Variants in ZC3H7A observed in about 807,000 individuals in gnomAD.
ZC3H7A encodes the protein zinc finger CCCH-type containing 7A, also known as zinc finger CCCH domain-containing protein 7A.
ZC3H7A carries 44 observed loss-of-function variants against 125.5 expected under a neutral mutation model. That is an observed-to-expected ratio of 0.35 (90% CI 0.28 to 0.45). The LOEUF (loss-of-function observed/expected upper bound fraction) is 0.45. Among genes scored for constraint, ZC3H7A ranks in the 20% least tolerant of loss-of-function variants. The probability of loss-of-function intolerance (pLI) is 1.00; values close to 1 mark genes in which losing one functional copy is unlikely to be tolerated. For missense variants in ZC3H7A, 977 were observed against 1,170.7 expected (o/e 0.83, Z 2.41); for synonymous variants, 399 against 391.2 (o/e 1.02, Z -0.23).
rs771913681 is a variant in ZC3H7A, at chr16:11,758,504, T to C, written c.2355A>G (p.Gln785=). ...CNHIASGKKC[Q]YVGNCSFAHS... is the part of the protein sequence containing the mutation. ...GAGCAAAGGAACAGTTTCCAACATA[T>C]TGACATTTTTTCCCAGAAGCAATAT... The change falls in exon 20 of 23, where the codon CAA becomes CAG. Residue 785 remains glutamine (Q), a synonymous_variant. Transcript: ENST00000355758. 26 of 1,613,704 alleles carry C rather than the reference T, an allele frequency of 1.6e-5. No homozygotes were observed. Among genetic ancestry groups the C allele is most frequent in the African/African-American group, 4.0e-5 (3 of 74,914 alleles).
chr16:11,769,903 C>T (rs2052949061), intron 10 of ZC3H7A, among the ~76,000 whole-genome samples: 1 of 148,556 alleles, frequency 6.7e-6, no homozygotes, highest in East Asian at 2.0e-4. Flanking sequence ...AATCCTCCCA[C>T]CTCCACCTCC....
intron 21 of ZC3H7A, among the ~76,000 whole-genome samples, chr16:11,754,321 A>AAAAAT (rs763451215): frequency 4.9e-4 from 69 of 140,472 alleles, no homozygotes; most frequent in East Asian, 1.6e-3. Context: ...AAGAAAAAAA[A>AAAAAT]ATATATATAT....
intron 21 of ZC3H7A, chr16:11,753,856 G>C (rs1376985564): frequency 2.6e-5 from 4 of 152,118 alleles, no homozygotes; most frequent in African/African-American, 9.7e-5. Context: ...CACCAAGTTG[G>C]CCAAGCTGGT....
intron 3 of ZC3H7A, among the ~76,000 whole-genome samples, chr16:11,780,901 C>G (rs539207623): frequency 1.3e-5 from 2 of 152,292 alleles, no homozygotes; most frequent in African/African-American, 2.4e-5. Context: ...TCCAGTCCCC[C>G]TTAGCTGCTG....
At chr16:11,795,813 T>G (rs957117254) in intron 1 of ZC3H7A, among the ~76,000 whole-genome samples, 1 of 152,162 alleles carries the variant, frequency 6.6e-6, no homozygotes, top group Non-Finnish European at 1.5e-5. Context: ...TTAACTTTTG[T>G]TTTTTTATTT....
At chr16:11,777,530 G>A (rs1446099255) in intron 4 of ZC3H7A, among the ~76,000 whole-genome samples, 10 of 152,060 alleles carry the variant, frequency 6.6e-5, no homozygotes, top group Admixed American at 5.9e-4. Flanking sequence ...AGACCAGCCT[G>A]GCCAACATGG....
chr16:11,783,300 A>G (rs918156593), intron 1 of ZC3H7A, among the ~76,000 whole-genome samples: 1 of 152,198 alleles, frequency 6.6e-6, no homozygotes, highest in African/African-American at 2.4e-5. Context: ...TCCTCAATAT[A>G]ACACTTGCAA....
intron 5 of ZC3H7A, 67 bp from the exon 6 acceptor site, chr16:11,776,599 A>C (rs2053084563): frequency 1.3e-6 from 2 of 1,516,444 alleles, no homozygotes; most frequent in African/African-American, 1.4e-5. Flanking sequence ...AATAGACAAA[A>C]CAGGGAAGTT....
intron 15 of ZC3H7A, among the ~76,000 whole-genome samples, chr16:11,764,472 T>C (rs779833487): frequency 1.5e-4 from 23 of 151,778 alleles, no homozygotes; most frequent in Non-Finnish European, 3.2e-4. Flanking sequence ...TCGCTTGAAC[T>C]CGGGAGGCGG....
chr16:11,774,388 C>A lies in ZC3H7A; in HGVS notation c.751G>T (p.Glu251Ter). Reference protein sequence around the residue: ...PLTSILPLQVEESALPSAVLA... With the variant: ...PLTSILPLQV ...ACTGCAGATGGCAGAGCGCTCTCTT[C>A]CACTTGTAGTGGCAAAATAGAAGTT... The change falls in exon 9 of 23, where the codon GAA becomes TAA. Residue 251 changes from glutamate to a stop codon, truncating the protein, a stop_gained. Coordinates refer to ENST00000355758, the MANE Select transcript of ZC3H7A (RefSeq NM_014153.4). LOFTEE classifies it high-confidence loss of function. 6.2e-7 allele frequency: 1 copy of A among 1,613,716 alleles called. No homozygotes were observed. The highest frequency in any genetic ancestry group is 8.5e-7 in the Non-Finnish European group (1 of 1,179,770).
chr16:11,787,399 C>T (rs370563405), intron 1 of ZC3H7A, among the ~76,000 whole-genome samples: 7 of 152,252 alleles, frequency 4.6e-5, no homozygotes, highest in African/African-American at 1.7e-4. Context: ...TTTTCCTCAC[C>T]ATTGATTAGT....
intron 16 of ZC3H7A, 95 bp downstream of exon 16, chr16:11,763,383 A>G: frequency 7.8e-7 from 1 of 1,285,730 alleles, no homozygotes; most frequent in Non-Finnish European, 1.1e-6. Flanking sequence ...TAGTGGGATT[A>G]CAGGCATGAG....
chr16:11,786,752 GT>G (rs2053263100), intron 1 of ZC3H7A, among the ~76,000 whole-genome samples: 1 of 152,086 alleles, frequency 6.6e-6, no homozygotes, highest in Non-Finnish European at 1.5e-5. Flanking sequence ...TATTTTGAAA[GT>G]TCTCAAACAC....
intron 19 of ZC3H7A, among the ~76,000 whole-genome samples, chr16:11,761,110 T>A (rs994720158): frequency 3.9e-5 from 6 of 152,180 alleles, no homozygotes; most frequent in African/African-American, 1.4e-4. Flanking sequence ...TTTGCTCTCA[T>A]TCCCTCTCCA....
intron 1 of ZC3H7A, among the ~76,000 whole-genome samples, chr16:11,785,002 T>C (rs575131102): frequency 6.6e-6 from 1 of 151,004 alleles, no homozygotes; most frequent in East Asian, 2.0e-4. Context: ...CTACTAAAAA[T>C]ACAGAATTAG....
intron 1 of ZC3H7A, among the ~76,000 whole-genome samples, chr16:11,795,395 A>T (rs2053420568): frequency 6.6e-6 from 1 of 152,244 alleles, no homozygotes; most frequent in Non-Finnish European, 1.5e-5. Context: ...TACAAAATAT[A>T]TTACACAAAA....
rs1349402420 is a variant in ZC3H7A, at chr16:11,782,379, A to C, written c.-25T>G. ...TGTTATCCCACACATCCACTTTCTA[A>C]ATGAGCAATCTGGAAAGAAACAAGG... On this transcript the variant is annotated 5_prime_UTR_variant, in exon 2 of 23. In the 5' UTR this introduces an upstream ATG that the reference lacks. Coordinates refer to ENST00000355758, the MANE Select transcript of ZC3H7A (RefSeq NM_014153.4). The C allele has an allele frequency of 1.9e-6, 3 of 1,613,826 alleles. No individual in the cohort carries two copies. Among genetic ancestry groups the C allele is most frequent in the Non-Finnish European group, 1.7e-6 (2 of 1,179,860 alleles).
rs117504501 is a variant in ZC3H7A at position 11,795,866 on chromosome 16, A to T, written c.-35+1258T>A. ...GTCCCAGGCTGGAGCACAAAGGCACAATCTCAGCTCACCGAAGCCTCAATC... is the reference window on the plus strand; with the variant it reads ...GTCCCAGGCTGGAGCACAAAGGCACTATCTCAGCTCACCGAAGCCTCAATC... On this transcript the variant is annotated intron_variant, in intron 1 of 22. Coordinates refer to ENST00000355758, the MANE Select transcript of ZC3H7A (RefSeq NM_014153.4). Among the ~76,000 whole-genome samples the T allele has an allele frequency of 4.2e-4, 64 of 152,350 alleles. 1 individual carries two copies. The East Asian group carries it at 0.01, about 25-fold the overall frequency.
At chr16:11,772,073 G>A (rs2052993415) in intron 9 of ZC3H7A, among the ~76,000 whole-genome samples, 1 of 151,848 alleles carries the variant, frequency 6.6e-6, no homozygotes, top group Admixed American at 6.6e-5. Flanking sequence ...GCGGGCACCT[G>A]TAATCTCAGC....
Sources: gnomAD v4.1 joint callset for allele counts (sites outside exome capture counted in the v4.1 genomes callset) on GRCh38, gnomAD v4.1.1 for gene constraint, MANE v1.5 for transcripts, NCBI Gene and HGNC (gene_info 2026-07-23, HGNC 2026-07-21) for gene names.